PEX5L: variants seen among roughly 807,000 people sequenced by gnomAD.
PEX5L encodes the protein peroxisomal biogenesis factor 5 like.
PEX5L carries 30 observed loss-of-function variants against 84.0 expected under a neutral mutation model. The observed-to-expected ratio is 0.36, with a 90% CI of 0.27 to 0.48. The LOEUF (loss-of-function observed/expected upper bound fraction) is 0.48, where lower values mean the gene tolerates loss of function less well. Ranked by LOEUF, PEX5L falls within the 20% of genes least tolerant of loss-of-function variation. The pLI, the probability that PEX5L is intolerant of heterozygous loss-of-function variation, is 0.99. For missense variants in PEX5L, 533 were observed against 754.6 expected (o/e 0.71, Z 3.44); for synonymous variants, 270 against 283.1 (o/e 0.95, Z 0.46).
At chr3:179,921,571 T>A (rs774201007) in intron 2 of PEX5L, 1 of 152,208 alleles carries the variant, frequency 6.6e-6, no homozygotes, top group Non-Finnish European at 1.5e-5. Context: ...CTACCAAGTA[T>A]CATCACAAGA....
chr3:179,853,984 C>A (rs938384050), intron 8 of PEX5L, among the ~76,000 whole-genome samples: 2 of 148,128 alleles, frequency 1.4e-5, no homozygotes, highest in Non-Finnish European at 3.0e-5. Flanking sequence ...GCTAATTTTT[C>A]TGTCTTTTTG....
At chr3:179,844,747 G>A (rs1051538476) in intron 8 of PEX5L, among the ~76,000 whole-genome samples, 10 of 152,186 alleles carry the variant, frequency 6.6e-5, no homozygotes, top group African/African-American at 1.9e-4. Flanking sequence ...GGAGAATGGC[G>A]TGAACCCGGG....
In PEX5L at chr3:179,887,052, C is replaced by T. The variant is rs147454239; in HGVS notation, c.310+621G>A. Among the ~76,000 whole-genome samples, 8 of 152,326 alleles carry T rather than the reference C, an allele frequency of 5.3e-5. No homozygotes were observed. The East Asian group carries it at 1.5e-3, about 29-fold the overall frequency. On this transcript the variant is annotated intron_variant, in intron 4 of 14. Coordinates refer to ENST00000467460, the MANE Select transcript of PEX5L (RefSeq NM_016559.3). ...TAATTTATGCCAGTGGCATCCTGTA[C>T]TCACTCATTGGATTAATACTTATTG... is the stretch of plus-strand genomic sequence containing the variant.
chr3:179,973,060 T>A, intron 1 of PEX5L: 1 of 610,694 alleles, frequency 1.6e-6, no homozygotes, highest in South Asian at 2.8e-5. Flanking sequence ...TTTGCTTTTG[T>A]ATTCTTTTTG....
intron 1 of PEX5L, among the ~76,000 whole-genome samples, chr3:180,012,511 C>T (rs1213106321): frequency 1.3e-5 from 2 of 152,076 alleles, no homozygotes; most frequent in South Asian, 2.1e-4. Context: ...AATTTAAACC[C>T]ATTGTCTTCT....
At chr3:179,952,091 ATACTT>A (rs1365659506) in intron 2 of PEX5L, among the ~76,000 whole-genome samples, 2 of 152,214 alleles carry the variant, frequency 1.3e-5, no homozygotes, top group African/African-American at 2.4e-5. Context: ...TTCTGCTACT[ATACTT>A]TGCTTATATT....
chr3:179,975,976 T>A (rs904809555), intron 1 of PEX5L, among the ~76,000 whole-genome samples: 1 of 152,230 alleles, frequency 6.6e-6, no homozygotes, highest in Non-Finnish European at 1.5e-5. Flanking sequence ...GATGTAGGTG[T>A]CTGTATCTAA....
chr3:179,901,120 C>T (rs1048676419), intron 2 of PEX5L, among the ~76,000 whole-genome samples: 1 of 152,186 alleles, frequency 6.6e-6, no homozygotes, highest in Non-Finnish European at 1.5e-5. Context: ...ATTTGCTTAT[C>T]AGCAGCTCTG....
chr3:179,915,840 A>C (rs1766865738), intron 2 of PEX5L, among the ~76,000 whole-genome samples: 1 of 152,244 alleles, frequency 6.6e-6, no homozygotes, highest in African/African-American at 2.4e-5. Flanking sequence ...TTATTTGAAG[A>C]GTGTGATGGT....
chr3:179,835,558 G>T (rs867068425), intron 8 of PEX5L, among the ~76,000 whole-genome samples: 1 of 152,148 alleles, frequency 6.6e-6, no homozygotes, highest in Non-Finnish European at 1.5e-5. Flanking sequence ...TTTTTTAAAA[G>T]TATATTTAGA....
At chr3:179,900,391 T>C (rs1760883614) in intron 2 of PEX5L, among the ~76,000 whole-genome samples, 1 of 152,062 alleles carries the variant, frequency 6.6e-6, no homozygotes, top group Non-Finnish European at 1.5e-5. Flanking sequence ...TAAGAAAAAA[T>C]GTCAATTGAT....
intron 2 of PEX5L, among the ~76,000 whole-genome samples, chr3:179,900,374 CT>C (rs2109013046): frequency 6.6e-6 from 1 of 152,118 alleles, no homozygotes. Context: ...AGATTCTTTT[CT>C]TGGGCTAAGA....
intron 2 of PEX5L, among the ~76,000 whole-genome samples, chr3:179,935,731 G>T (rs577998425): frequency 1.3e-5 from 2 of 152,238 alleles, no homozygotes; most frequent in East Asian, 3.9e-4. Flanking sequence ...CAATGTTGCA[G>T]GTGGAACTTT....
chr3:179,971,956 T>C (rs1034386932), intron 1 of PEX5L, among the ~76,000 whole-genome samples: 1 of 152,184 alleles, frequency 6.6e-6, no homozygotes, highest in African/African-American at 2.4e-5. Flanking sequence ...GAAAAGATTC[T>C]TTAACACTTT....
intron 2 of PEX5L, among the ~76,000 whole-genome samples, chr3:179,960,047 T>C (rs1162844272): frequency 6.6e-6 from 1 of 152,040 alleles, no homozygotes; most frequent in Non-Finnish European, 1.5e-5. Flanking sequence ...GTTTTGCTTA[T>C]TTTTTTTCTC....
chr3:179,985,309 A>G (rs1786710717), intron 1 of PEX5L, among the ~76,000 whole-genome samples: 1 of 152,346 alleles, frequency 6.6e-6, no homozygotes, highest in African/African-American at 2.4e-5. Flanking sequence ...CAATTCAAGC[A>G]TGAAAGGTCA....
chr3:180,028,185 A>T (rs1349708762), intron 1 of PEX5L, among the ~76,000 whole-genome samples: 1 of 152,096 alleles, frequency 6.6e-6, no homozygotes, highest in Non-Finnish European at 1.5e-5. Flanking sequence ...TTCTTATTTG[A>T]GTCACTTTTT....
intron 8 of PEX5L, among the ~76,000 whole-genome samples, chr3:179,834,078 G>A (rs374696400): frequency 2.0e-5 from 3 of 152,246 alleles, no homozygotes; most frequent in South Asian, 2.1e-4. Flanking sequence ...GGGCTCAAGC[G>A]ATCCTCTCTC....
intron 11 of PEX5L, 152 bp downstream of exon 11, chr3:179,811,649 A>G: frequency 1.5e-6 from 1 of 653,760 alleles, no homozygotes. Flanking sequence ...TGTTTTTCAG[A>G]GCTAAGTGTG....
Sources: gnomAD v4.1 joint callset for allele counts (sites outside exome capture counted in the v4.1 genomes callset) on GRCh38, gnomAD v4.1.1 for gene constraint, MANE v1.5 for transcripts, NCBI Gene and HGNC (gene_info 2026-07-23, HGNC 2026-07-21) for gene names.